EEF1AKMT2: variants seen among roughly 807,000 people sequenced by gnomAD.
EEF1AKMT2 encodes eukaryotic translation elongation factor 1 alpha lysine methyltransferase 2.
In EEF1AKMT2, 32 loss-of-function variants were observed where a neutral mutation model predicts 35.8. The ratio of observed to expected loss-of-function variants is 0.89; its 90% confidence interval spans 0.67 to 1.20. The LOEUF (loss-of-function observed/expected upper bound fraction) is 1.20. Among genes scored for constraint, EEF1AKMT2 ranks in the 50% most tolerant of loss-of-function variants. The pLI is 0.00. For missense variants in EEF1AKMT2, 330 were observed against 347.5 expected (o/e 0.95, Z 0.40); for synonymous variants, 121 against 133.7 (o/e 0.91, Z 0.65).
At chr10:124,781,351 G>A (rs115592493) in intron 3 of EEF1AKMT2, among the ~76,000 whole-genome samples, 1 of 151,756 alleles carries the variant, frequency 6.6e-6, no homozygotes, top group Non-Finnish European at 1.5e-5. Context: ...GGCTGAGGCA[G>A]GCAGATCATC....
downstream of EEF1AKMT2, among the ~76,000 whole-genome samples, chr10:124,757,376 G>C (rs1950294989): frequency 6.6e-6 from 1 of 151,482 alleles, no homozygotes; most frequent in African/African-American, 2.4e-5. Flanking sequence ...GATTTTCATT[G>C]TAGGCTACCA....
intron 4 of EEF1AKMT2, among the ~76,000 whole-genome samples, chr10:124,772,420 CTTTTTTTTTTTTT>C (rs59707540): frequency 4.2e-4 from 32 of 75,414 alleles, no homozygotes; most frequent in East Asian, 1.5e-3. Flanking sequence ...TTTTCTTTTT[CTTTTTTTTTTTTT>C]TTTTTTTTTT....
At chr10:124,775,266 T>A (rs1428859814) in intron 3 of EEF1AKMT2, among the ~76,000 whole-genome samples, 1 of 152,230 alleles carries the variant, frequency 6.6e-6, no homozygotes, top group African/African-American at 2.4e-5. Context: ...TCTACATTTG[T>A]ATACTACTTT....
chr10:124,774,618 G>C (rs1950472451), intron 4 of EEF1AKMT2, 57 bp downstream of exon 4: 1 of 900,866 alleles, frequency 1.1e-6, no homozygotes, highest in Admixed American at 4.1e-5. Context: ...CAATTAATAT[G>C]CTCTAGAAAC....
rs1218052124 is a variant in EEF1AKMT2, at chr10:124,791,883, C to T, written c.-50G>A. The T allele has an allele frequency of 1.3e-6, 2 of 1,515,536 alleles. No homozygotes were observed. The highest frequency in any genetic ancestry group is 5.0e-5 in the East Asian group (2 of 40,110). The allele number at this position is 1,515,536 out of a possible 1,614,324, so 93.9% of individuals were successfully genotyped here. On this transcript the variant is annotated 5_prime_UTR_variant, in exon 1 of 7. In the 5' UTR this introduces an upstream ATG that the reference lacks. Transcript: ENST00000368836. ...TTGGGGCCGCCATAGAGACGGGGCA[C>T]AGGCAGAGCGGACGAGCGGACCGGC...
At chr10:124,770,834 A>G (rs1269345571) in intron 4 of EEF1AKMT2, among the ~76,000 whole-genome samples, 1 of 152,232 alleles carries the variant, frequency 6.6e-6, no homozygotes, top group African/African-American at 2.4e-5. Flanking sequence ...CACCATAAGA[A>G]GCAACTCCTT....
chr10:124,791,589 C>A, intron 1 of EEF1AKMT2, 135 bp downstream of exon 1: 1 of 1,287,272 alleles, frequency 7.8e-7, no homozygotes, highest in Non-Finnish European at 1.1e-6. Flanking sequence ...AAGCCCCCCG[C>A]CAGGTGGCCC....
rs1950306621 is a variant in EEF1AKMT2, at chr10:124,758,732, C to A, written c.*1771G>T. The A allele has an allele frequency of 1.3e-5, 2 of 151,390 alleles. No individual in the cohort carries two copies. Among genetic ancestry groups the A allele is most frequent in the Non-Finnish European group, 2.9e-5 (2 of 67,868 alleles). The allele number at this position is 151,390 out of a possible 1,614,324, so 9.4% of individuals were successfully genotyped here. A position where few individuals can be genotyped will look rare whatever the true frequency, so the allele number is the denominator to read the frequency against. ...TACTTATCTATGTTATATTTGAAAT[C>A]AAAGAATATTAATGTGAAAAAAAAC... On this transcript the variant is annotated 3_prime_UTR_variant, in exon 7 of 7. Transcript: ENST00000368836.
At chr10:124,784,823 C>A (rs1950570822) in intron 3 of EEF1AKMT2, among the ~76,000 whole-genome samples, 1 of 151,430 alleles carries the variant, frequency 6.6e-6, no homozygotes, top group South Asian at 2.1e-4. Context: ...CTCAGCTACT[C>A]AGGAGGCTGA....
chr10:124,782,407 C>T (rs998108734), intron 3 of EEF1AKMT2, among the ~76,000 whole-genome samples: 33 of 151,812 alleles, frequency 2.2e-4, no homozygotes, highest in African/African-American at 7.7e-4. Context: ...ACGGTGAAAC[C>T]CCGTCTCTAC....
rs11813707 is a variant in EEF1AKMT2, at chr10:124,785,712, G to A, written c.291+3331C>T. 6.5e-3 allele frequency among the ~76,000 whole-genome samples: 984 copies of A among 151,748 alleles called. 17 individuals are homozygous for A. The highest frequency in any genetic ancestry group is 0.023 in the African/African-American group (944 of 41,344). On this transcript the variant is annotated intron_variant, in intron 3 of 6. Coordinates refer to ENST00000368836, the MANE Select transcript of EEF1AKMT2 (RefSeq NM_212554.4). ...AGTTCGAGACCAGCCTAGCCAACATGGTGAAACGCTATGTCTACTAAAAAT... is the reference window on the plus strand; with the variant it reads ...AGTTCGAGACCAGCCTAGCCAACATAGTGAAACGCTATGTCTACTAAAAAT...
intron 6 of EEF1AKMT2, among the ~76,000 whole-genome samples, chr10:124,760,737 T>A (rs10794180): frequency 0.75 from 113,404 of 152,220 alleles, 42,410 homozygotes; most frequent in South Asian, 0.85. Context: ...CCAAAAACAA[T>A]TTGGAAAAAA....
chr10:124,762,415 T>C lies in EEF1AKMT2; in HGVS notation c.760A>G (p.Thr254Ala), dbSNP rs1033701626. 4 of 1,298,352 alleles carry C rather than the reference T, an allele frequency of 3.1e-6. No homozygotes were observed. Among genetic ancestry groups the C allele is most frequent in the Non-Finnish European group, 4.1e-6 (4 of 984,158 alleles). The allele number at this position is 1,298,352 out of a possible 1,614,324, so 80.4% of individuals were successfully genotyped here. Residue 254 changes from threonine (T) to alanine (A), a missense_variant, in exon 6 of 7, where the codon ACG becomes GCG. Coordinates refer to ENST00000368836, the MANE Select transcript of EEF1AKMT2 (RefSeq NM_212554.4). Reference protein sequence around the residue: ...AWIIFVFLAETRFCHVVQAGL... With the variant: ...AWIIFVFLAEARFCHVVQAGL... ...GCCTGGACAACATGGCAAAACCTCGTCTCTGCTAAAAATACAAAAATTATC... is the reference window on the plus strand; with the variant it reads ...GCCTGGACAACATGGCAAAACCTCGCCTCTGCTAAAAATACAAAAATTATC...
chr10:124,775,960 C>T (rs1049672706), intron 3 of EEF1AKMT2, among the ~76,000 whole-genome samples: 7 of 151,620 alleles, frequency 4.6e-5, no homozygotes, highest in Non-Finnish European at 7.4e-5. Flanking sequence ...CTCTGTCGCC[C>T]AGGCTGCAAT....
intron 3 of EEF1AKMT2, among the ~76,000 whole-genome samples, chr10:124,782,375 G>A (rs1950547767): frequency 6.6e-6 from 1 of 151,970 alleles, no homozygotes; most frequent in Admixed American, 6.6e-5. Context: ...GAGGTCAGGA[G>A]ATCGAGACCA....
At position 124,774,713 on chromosome 10, in the gene EEF1AKMT2, T is replaced by C. The variant is rs139315006; in HGVS notation, c.361A>G (p.Ile121Val). 3.1e-4 allele frequency: 464 copies of C among 1,481,834 alleles called. No homozygotes were observed. The highest frequency in any genetic ancestry group is 4.0e-4 in the Non-Finnish European group (447 of 1,118,768). 91.8% of individuals were successfully genotyped at this position (1,481,834 alleles called of 1,614,324 possible). A position where few individuals can be genotyped will look rare whatever the true frequency, so the allele number is the denominator to read the frequency against. Residue 121 changes from isoleucine to valine, a missense_variant, in exon 4 of 7, where the codon ATT becomes GTT. By Grantham distance (29) the Ile-to-Val change is conservative. Transcript: ENST00000368836. ...SPSAIQLSGS[I>V]IEKEGLSNIK... ...TTAGATAAACCTTCTTTTTCTATAA[T>C]ACTTCCAGAAAGCTGAATTGCAGAA...
chr10:124,776,687 C>T lies in EEF1AKMT2; in HGVS notation c.292-1905G>A, dbSNP rs574766548. Reference sequence around the variant, plus strand: ...GTGAGTGCCTGTAATCCCAGCTACTCGGGAGGCTGAGGCAGGAGAATTGCT... The same window carrying T: ...GTGAGTGCCTGTAATCCCAGCTACTTGGGAGGCTGAGGCAGGAGAATTGCT... On this transcript the variant is annotated intron_variant, in intron 3 of 6. Coordinates refer to ENST00000368836, the MANE Select transcript of EEF1AKMT2 (RefSeq NM_212554.4). 7.2e-5 allele frequency among the ~76,000 whole-genome samples: 11 copies of T among 151,742 alleles called. No homozygotes were observed. The East Asian group carries it at 1.4e-3, about 19-fold the overall frequency.
At chr10:124,784,446 A>T (rs1950567770) in intron 3 of EEF1AKMT2, among the ~76,000 whole-genome samples, 1 of 152,204 alleles carries the variant, frequency 6.6e-6, no homozygotes, top group South Asian at 2.1e-4. Context: ...ACAATTTTTT[A>T]AAATATAACA....
At chr10:124,765,054 A>G (rs189765474) in intron 5 of EEF1AKMT2, among the ~76,000 whole-genome samples, 98 of 152,320 alleles carry the variant, frequency 6.4e-4, no homozygotes, top group African/African-American at 2.3e-3. Context: ...GGCACGCGCC[A>G]CCAATCCCAG....
Sources: gnomAD v4.1 joint callset for allele counts (sites outside exome capture counted in the v4.1 genomes callset) on GRCh38, gnomAD v4.1.1 for gene constraint, MANE v1.5 for transcripts, NCBI Gene and HGNC (gene_info 2026-07-23, HGNC 2026-07-21) for gene names.